RUNX1: variants seen among roughly 807,000 people sequenced by gnomAD.
RUNX1 encodes the protein runt-related transcription factor 1.
RUNX1 carries 19 observed loss-of-function variants against 42.8 expected under a neutral mutation model. The observed-to-expected ratio is 0.44, with a 90% confidence interval of 0.31 to 0.65. The LOEUF (loss-of-function observed/expected upper bound fraction) is 0.65. Ranked by LOEUF, RUNX1 falls within the 30% of genes least tolerant of loss-of-function variation. The pLI, the probability that RUNX1 is intolerant of heterozygous loss-of-function variation, is 0.07. For synonymous variants in RUNX1, 271 were observed against 289.4 expected (o/e 0.94, Z 0.64); for missense variants, 528 against 672.0 (o/e 0.79, Z 2.37).
At chr21:34,841,896 C>G (rs578053129) in intron 6 of RUNX1, among the ~76,000 whole-genome samples, 1 of 152,306 alleles carries the variant, frequency 6.6e-6, no homozygotes, top group East Asian at 1.9e-4. Flanking sequence ...TCTGTCTGCA[C>G]CCATGGGACT....
intron 2 of RUNX1, among the ~76,000 whole-genome samples, chr21:34,893,773 T>G (rs545249991): frequency 0.01 from 1,238 of 120,854 alleles, 15 homozygotes; most frequent in African/African-American, 0.046. Context: ...GTATGCTGTT[T>G]TTTTTTTTTT....
intron 3 of RUNX1, among the ~76,000 whole-genome samples, chr21:34,891,371 G>C (rs1051875041): frequency 6.6e-6 from 1 of 152,210 alleles, no homozygotes; most frequent in African/African-American, 2.4e-5. Context: ...AGCGGCGCAG[G>C]CTGTTAACTG....
At position 34,927,745 on chromosome 21, in the gene RUNX1, G is replaced by A. The variant is rs61190135; in HGVS notation, c.59-34782C>T. Among the ~76,000 whole-genome samples the A allele has an allele frequency of 5.5e-3, 834 of 152,282 alleles. 4 individuals are homozygous for A. Among genetic ancestry groups the A allele is most frequent in the African/African-American group, 0.019 (788 of 41,556 alleles). On this transcript the variant is annotated intron_variant, in intron 2 of 8. Transcript: ENST00000675419. ...AGAGGGCCTGCCACATAGTAGGCTC[G>A]TGAAGGCTGTTGTCTGAAAAGAGCT...
chr21:34,892,005 C>T (rs911396169), intron 3 of RUNX1, among the ~76,000 whole-genome samples: 2 of 152,152 alleles, frequency 1.3e-5, no homozygotes, highest in Non-Finnish European at 2.9e-5. Context: ...TCAAAAGCCT[C>T]CCCAAAATAT....
intron 3 of RUNX1, 50 bp from the exon 4 acceptor site, chr21:34,887,146 C>T (rs753590785): frequency 1.3e-6 from 2 of 1,597,128 alleles, no homozygotes; most frequent in Middle Eastern, 1.7e-4. Flanking sequence ...ACCCTGCAAA[C>T]AGCTCCTACC....
At chr21:34,964,592 C>T (rs182902452) in intron 2 of RUNX1, among the ~76,000 whole-genome samples, 179 of 152,152 alleles carry the variant, frequency 1.2e-3, no homozygotes, top group African/African-American at 4.1e-3. Context: ...ATTACAGACA[C>T]GCCCTATGCC....
At chr21:34,852,647 G>A (rs2057438500) in intron 6 of RUNX1, among the ~76,000 whole-genome samples, 1 of 152,222 alleles carries the variant, frequency 6.6e-6, no homozygotes, top group African/African-American at 2.4e-5. Context: ...TCAAAGTGGG[G>A]AGGAGGGGAT....
At chr21:34,928,595 C>T (rs139589477) in intron 2 of RUNX1, among the ~76,000 whole-genome samples, 215 of 151,680 alleles carry the variant, frequency 1.4e-3, no homozygotes, top group Non-Finnish European at 2.2e-3. Flanking sequence ...GCAGGAGAAT[C>T]GCTTGTAACC....
intron 2 of RUNX1, among the ~76,000 whole-genome samples, chr21:34,936,279 A>T (rs928774): frequency 0.35 from 53,759 of 151,474 alleles, 11,060 homozygotes; most frequent in East Asian, 0.56. Flanking sequence ...CCTCTTTTTT[A>T]AAAAAAAATA....
chr21:34,909,338 T>C (rs1054217697), intron 2 of RUNX1, among the ~76,000 whole-genome samples: 1 of 152,170 alleles, frequency 6.6e-6, no homozygotes, highest in African/African-American at 2.4e-5. Context: ...ACTTATATCT[T>C]TTAAATGTGG....
At chr21:34,887,886 C>T (rs2058021974) in intron 3 of RUNX1, 1 of 1,064,930 alleles carries the variant, frequency 9.4e-7, no homozygotes, top group Non-Finnish European at 1.1e-6. Flanking sequence ...TCAATGAATT[C>T]TGTCAAAACG....
At chr21:34,816,187 AAAAC>A (rs557050151) in intron 7 of RUNX1, among the ~76,000 whole-genome samples, 11 of 152,342 alleles carry the variant, frequency 7.2e-5, no homozygotes, top group Admixed American at 2.0e-4. Flanking sequence ...CTTAAAACCT[AAAAC>A]AAACAGTTTT....
At chr21:35,023,570 G>A (rs925333681) in intron 2 of RUNX1, among the ~76,000 whole-genome samples, 3 of 152,202 alleles carry the variant, frequency 2.0e-5, no homozygotes, top group Non-Finnish European at 4.4e-5. Context: ...AAGTTGACCT[G>A]CGGGGCTAGC....
intron 2 of RUNX1, among the ~76,000 whole-genome samples, chr21:34,951,089 T>C (rs1260623312): frequency 2.0e-5 from 3 of 152,204 alleles, no homozygotes; most frequent in African/African-American, 7.2e-5. Context: ...TGTTTTACAG[T>C]GCTGCCGAGT....
At chr21:34,917,262 G>A (rs1287705304) in intron 2 of RUNX1, among the ~76,000 whole-genome samples, 1 of 152,196 alleles carries the variant, frequency 6.6e-6, no homozygotes, top group Non-Finnish European at 1.5e-5. Context: ...TTTGTGAAGG[G>A]GCTGTGGAAG....
chr21:34,821,883 T>C (rs1161129537), intron 7 of RUNX1, among the ~76,000 whole-genome samples: 1 of 152,256 alleles, frequency 6.6e-6, no homozygotes, highest in Non-Finnish European at 1.5e-5. Context: ...TCAGTAATTT[T>C]GCACAAATTC....
chr21:34,799,193 A>T, intron 8 of RUNX1, 108 bp downstream of exon 8: 1 of 1,232,210 alleles, frequency 8.1e-7, no homozygotes, highest in Non-Finnish European at 1.2e-6. Context: ...GGTCACCTTT[A>T]AACCATGTTT....
chr21:34,827,761 G>A (rs1444752001), intron 7 of RUNX1, among the ~76,000 whole-genome samples: 2 of 152,218 alleles, frequency 1.3e-5, no homozygotes, highest in African/African-American at 4.8e-5. Flanking sequence ...AAGGGCACAA[G>A]CAGTATGCCT....
At chr21:34,878,136 T>C (rs866272498) in intron 5 of RUNX1, among the ~76,000 whole-genome samples, 9 of 146,606 alleles carry the variant, frequency 6.1e-5, no homozygotes, top group Middle Eastern at 3.5e-3. Context: ...TTAGTCAGAA[T>C]GATCTGCTCT....
Sources: gnomAD v4.1 joint callset for allele counts (sites outside exome capture counted in the v4.1 genomes callset) on GRCh38, gnomAD v4.1.1 for gene constraint, MANE v1.5 for transcripts, NCBI Gene and HGNC (gene_info 2026-07-23, HGNC 2026-07-21) for gene names.